The following SLC6A17 variants were observed in gnomAD, a reference collection of about 807,000 sequenced individuals.
SLC6A17 encodes solute carrier family 6 member 17.
In SLC6A17, 21 loss-of-function variants were observed where a neutral mutation model predicts 64.5. That is an observed-to-expected ratio of 0.33 (90% CI 0.23 to 0.47). SLC6A17 has a LOEUF of 0.47. Among genes scored for constraint, SLC6A17 ranks in the 20% least tolerant of loss-of-function variants. The pLI, the probability that SLC6A17 is intolerant of heterozygous loss-of-function variation, is 1.00. For synonymous variants in SLC6A17, 372 were observed against 399.5 expected (o/e 0.93, Z 0.82); for missense variants, 682 against 963.2 (o/e 0.71, Z 3.86).
Position 110,176,687 on chromosome 1 carries a change from G to A in SLC6A17, c.812G>A (p.Gly271Glu). The change falls in exon 6 of 12, where the codon GGG (glycine) becomes GAG (glutamate). Residue 271 changes from glycine to glutamate, a missense_variant. By Grantham distance (98) the Gly-to-Glu change is moderately conservative. Around this residue, in one of 3 missense-constraint regions of SLC6A17, gnomAD observed 415 missense variants for 603.8 expected, o/e 0.69. Coordinates refer to ENST00000331565, the MANE Select transcript of SLC6A17 (RefSeq NM_001010898.4). The part of the protein sequence containing the change: ...YVVLACFLVR[G>E]LLLRGAVDGI... ...GTGCTGGCCTGCTTCCTGGTCCGGGGGCTGTTGCTGCGAGGGGCAGTTGAT... is the reference window on the plus strand; with the variant it reads ...GTGCTGGCCTGCTTCCTGGTCCGGGAGCTGTTGCTGCGAGGGGCAGTTGAT... 6.2e-7 allele frequency: 1 copy of A among 1,614,028 alleles called. No individual in the cohort carries two copies. The highest frequency in any genetic ancestry group is 8.5e-7 in the Non-Finnish European group (1 of 1,179,944).
At chr1:110,190,004 A>G (rs1656783734) in intron 6 of SLC6A17, among the ~76,000 whole-genome samples, 1 of 152,222 alleles carries the variant, frequency 6.6e-6, no homozygotes, top group African/African-American at 2.4e-5. Flanking sequence ...TCCAACTAGA[A>G]TGTAAACTTG....
chr1:110,200,622 A>C lies in SLC6A17; in HGVS notation c.*2178A>C, dbSNP rs1657100038. 6.6e-6 allele frequency: 1 copy of C among 152,322 alleles called. No individual in the cohort carries two copies. The highest frequency in any genetic ancestry group is 1.5e-5 in the Non-Finnish European group (1 of 68,082). The allele number at this position is 152,322 out of a possible 1,614,324, so 9.4% of individuals were successfully genotyped here. On this transcript the variant is annotated 3_prime_UTR_variant, in exon 12 of 12. Coordinates refer to ENST00000331565, the MANE Select transcript of SLC6A17 (RefSeq NM_001010898.4). ...GATCTATTTTCATTGTATATTTGATATATTTTTAATTTTGTAGCGTGTGGC... is the reference window on the plus strand; with the variant it reads ...GATCTATTTTCATTGTATATTTGATCTATTTTTAATTTTGTAGCGTGTGGC...
intron 1 of SLC6A17, among the ~76,000 whole-genome samples, chr1:110,160,922 G>A (rs1655891035): frequency 6.6e-6 from 1 of 152,202 alleles, no homozygotes; most frequent in South Asian, 2.1e-4. Context: ...TGAGCTGGGA[G>A]CCTGCTGTAG....
intron 2 of SLC6A17, among the ~76,000 whole-genome samples, chr1:110,171,588 G>A (rs113021430): frequency 2.0e-5 from 3 of 152,048 alleles, no homozygotes; most frequent in African/African-American, 7.2e-5. Flanking sequence ...CTGTGTCAGC[G>A]TCTGGTTCAG....
At chr1:110,183,146 T>C (rs1377238464) in intron 6 of SLC6A17, among the ~76,000 whole-genome samples, 6 of 152,194 alleles carry the variant, frequency 3.9e-5, no homozygotes, top group Non-Finnish European at 7.3e-5. Context: ...ACTGAAAGCA[T>C]GTTCACACAA....
Position 110,194,832 on chromosome 1 carries a change from G to A in SLC6A17, c.1492+61G>A, listed in dbSNP as rs544801029. The A allele has an allele frequency of 6.1e-4, 968 of 1,592,278 alleles. 8 individuals carry two copies. The highest frequency in any genetic ancestry group is 8.3e-4 in the Middle Eastern group (5 of 6,050). ...GGCTGCCCTTGTGGACAACAATTCC[G>A]TTCTGGCTTCTGACTGGGTCCTTCA... On this transcript the variant is annotated intron_variant, in intron 9 of 11. Transcript: ENST00000331565.
chr1:110,173,905 G>GAAA, intron 3 of SLC6A17, 68 bp from the exon 4 acceptor site: 1 of 1,574,724 alleles, frequency 6.4e-7, no homozygotes, highest in Admixed American at 1.8e-5. Flanking sequence ...GCTGGGCCTC[G>GAAA]GGTGGAGCGT....
chr1:110,184,459 G>A (rs1252965324), intron 6 of SLC6A17, among the ~76,000 whole-genome samples: 1 of 152,220 alleles, frequency 6.6e-6, no homozygotes, highest in Non-Finnish European at 1.5e-5. Flanking sequence ...GCACTTTTGT[G>A]TGCACTTTGC....
intron 1 of SLC6A17, among the ~76,000 whole-genome samples, chr1:110,164,620 C>T (rs956024336): frequency 2.6e-5 from 4 of 152,194 alleles, no homozygotes; most frequent in East Asian, 1.9e-4. Flanking sequence ...TCCCTCAGTG[C>T]GGGATGCGCA....
At chr1:110,151,350 T>C (rs1278730441) in intron 1 of SLC6A17, among the ~76,000 whole-genome samples, 1 of 152,218 alleles carries the variant, frequency 6.6e-6, no homozygotes, top group Admixed American at 6.5e-5. Flanking sequence ...ACCTTGACAG[T>C]AACATTGGCA....
At chr1:110,164,800 G>A (rs918194255) in intron 1 of SLC6A17, among the ~76,000 whole-genome samples, 3 of 152,162 alleles carry the variant, frequency 2.0e-5, no homozygotes, top group South Asian at 2.1e-4. Flanking sequence ...CTTGGTGACC[G>A]AAGCTGCCAC....
At chr1:110,196,529 G>A (rs1656973627) in intron 10 of SLC6A17, among the ~76,000 whole-genome samples, 1 of 152,206 alleles carries the variant, frequency 6.6e-6, no homozygotes, top group Non-Finnish European at 1.5e-5. Flanking sequence ...GGCCAGGGCT[G>A]TAAGACACTG....
At chr1:110,191,301 T>C (rs760731515) in intron 6 of SLC6A17, among the ~76,000 whole-genome samples, 1 of 152,180 alleles carries the variant, frequency 6.6e-6, no homozygotes, top group Non-Finnish European at 1.5e-5. Context: ...GGAAAATAGG[T>C]TGGAAAGGGG....
In SLC6A17 at chr1:110,166,957, C is replaced by T. The variant is rs767971116; in HGVS notation, c.28C>T (p.Arg10Cys). MPKNSKVTQ[R>C]EHSSEHVTES... ...GCCGAAGAACAGCAAAGTGACCCAG[C>T]GTGAGCACAGCAGTGAGCATGTCAC... Residue 10 changes from arginine to cysteine, a missense_variant, in exon 2 of 12, where the codon CGT becomes TGT. This residue lies in a region of SLC6A17 where 415 missense variants were observed against 603.8 expected (regional missense o/e 0.69). Transcript: ENST00000331565. 1.2e-6 allele frequency: 2 copies of T among 1,612,788 alleles called. No individual in the cohort carries two copies. Among genetic ancestry groups the T allele is most frequent in the East Asian group, 2.2e-5 (1 of 44,846 alleles).
At chr1:110,153,519 A>ATGTGTGTGGGTGTGTGTG (rs1655662391) in intron 1 of SLC6A17, among the ~76,000 whole-genome samples, 1 of 137,228 alleles carries the variant, frequency 7.3e-6, no homozygotes, top group Non-Finnish European at 1.6e-5. Context: ...GCTACTGGAA[A>ATGTGTGTGGGTGTGTGTG]TGTGTGTGTG....
intron 1 of SLC6A17, among the ~76,000 whole-genome samples, chr1:110,161,880 A>C (rs1229025287): frequency 1.3e-5 from 2 of 151,934 alleles, no homozygotes; most frequent in Non-Finnish European, 2.9e-5. Context: ...TGCTTGAAAA[A>C]TTTTCGTGGA....
intron 3 of SLC6A17, 130 bp downstream of exon 3, chr1:110,172,347 A>C: frequency 8.4e-7 from 1 of 1,195,862 alleles, no homozygotes; most frequent in Non-Finnish European, 1.1e-6. Flanking sequence ...GATCCTCAAC[A>C]TGGGAATTAC....
At chr1:110,172,663 G>T (rs2101847115) in intron 3 of SLC6A17, among the ~76,000 whole-genome samples, 1 of 152,290 alleles carries the variant, frequency 6.6e-6, no homozygotes, top group Admixed American at 6.5e-5. Context: ...GGGGCTCAGG[G>T]TCTCCTTGCC....
chr1:110,154,950 A>G (rs1294730668), intron 1 of SLC6A17, among the ~76,000 whole-genome samples: 1 of 152,152 alleles, frequency 6.6e-6, no homozygotes, highest in Non-Finnish European at 1.5e-5. Context: ...CAGAGAGCCC[A>G]CTTTCTCCTC....
Sources: allele counts gnomAD v4.1 joint callset (sites outside exome capture counted in the v4.1 genomes callset), GRCh38; gene constraint gnomAD v4.1.1; regional missense constraint gnomAD v4.1.1; transcripts MANE v1.5; gene names NCBI Gene and HGNC (gene_info 2026-07-23, HGNC 2026-07-21).